DHX15: variants seen among roughly 807,000 people sequenced by gnomAD.
DHX15 encodes DEAH-box helicase 15, also known as ATP-dependent RNA helicase DHX15.
A neutral mutation model predicts 94.4 loss-of-function variants in DHX15; 11 were observed. The observed-to-expected ratio is 0.12, with a 90% CI of 0.07 to 0.19. The LOEUF is 0.19. Among genes scored for constraint, DHX15 ranks in the 10% least tolerant of loss-of-function variants. The pLI is 1.00. For synonymous variants in DHX15, 338 were observed against 329.9 expected, an observed-to-expected ratio of 1.02 and a Z score of -0.27; for missense variants, 304 against 988.5, an observed-to-expected ratio of 0.31 and a Z score of 9.29.
At chr4:24,549,666 A>G (rs977208063) in intron 5 of DHX15, among the ~76,000 whole-genome samples, 1 of 152,200 alleles carries the variant, frequency 6.6e-6, no homozygotes, top group Non-Finnish European at 1.5e-5. Flanking sequence ...TCACGAACCT[A>G]AACTGTATAG....
chr4:24,576,961 T>C (rs1471470336), intron 1 of DHX15, among the ~76,000 whole-genome samples: 2 of 152,154 alleles, frequency 1.3e-5, no homozygotes, highest in South Asian at 2.1e-4. Flanking sequence ...CCCTCCTACT[T>C]AGACAACAGA....
chr4:24,576,943 A>G (rs1016220491), intron 1 of DHX15, among the ~76,000 whole-genome samples: 1 of 152,232 alleles, frequency 6.6e-6, no homozygotes, highest in African/African-American at 2.4e-5. Context: ...GTCTGCTGCA[A>G]GTAAAACCCC....
intron 12 of DHX15, chr4:24,530,562 C>G (rs112410989): frequency 0.065 from 9,817 of 151,152 alleles, 398 homozygotes; most frequent in African/African-American, 0.12. Flanking sequence ...GGGCGACAGA[C>G]CGAGAGGCTC....
chr4:24,536,520 C>T (rs2109393695), intron 11 of DHX15, among the ~76,000 whole-genome samples: 2 of 152,278 alleles, frequency 1.3e-5, no homozygotes, highest in Non-Finnish European at 2.9e-5. Flanking sequence ...TAATGCCTTT[C>T]ATTATCAATA....
intron 3 of DHX15, among the ~76,000 whole-genome samples, chr4:24,560,651 G>A (rs1218681073): frequency 2.0e-5 from 3 of 152,132 alleles, no homozygotes; most frequent in Admixed American, 6.5e-5. Context: ...CAAAGCATAT[G>A]ATGAAACATC....
chr4:24,572,698 A>C (rs923721680), intron 2 of DHX15, among the ~76,000 whole-genome samples: 3 of 152,224 alleles, frequency 2.0e-5, no homozygotes, highest in Non-Finnish European at 4.4e-5. Flanking sequence ...TTTTCAAACA[A>C]AAAAACTTAG....
At chr4:24,557,234 C>T (rs1721758995) in intron 3 of DHX15, among the ~76,000 whole-genome samples, 1 of 152,170 alleles carries the variant, frequency 6.6e-6, no homozygotes, top group African/African-American at 2.4e-5. Context: ...ACACTGGTTA[C>T]TGATGTCACT....
At chr4:24,543,131 A>G in intron 6 of DHX15, 105 bp from the exon 7 acceptor site, 2 of 713,720 alleles carry the variant, frequency 2.8e-6, no homozygotes, top group Admixed American at 5.6e-5. Flanking sequence ...ATTTCAAGCC[A>G]GCAAATAAAC....
chr4:24,559,929 C>T (rs1199534109), intron 3 of DHX15, among the ~76,000 whole-genome samples: 2 of 152,108 alleles, frequency 1.3e-5, no homozygotes, highest in Non-Finnish European at 2.9e-5. Context: ...AAGCAGATTA[C>T]CTAAAGATGT....
At chr4:24,582,467 C>G (rs1722437601) in intron 1 of DHX15, among the ~76,000 whole-genome samples, 1 of 152,208 alleles carries the variant, frequency 6.6e-6, no homozygotes. Flanking sequence ...TGCACAAATA[C>G]AAATGAATTC....
chr4:24,565,840 C>CAA (rs1721980453), intron 3 of DHX15, among the ~76,000 whole-genome samples: 1 of 152,122 alleles, frequency 6.6e-6, no homozygotes, highest in African/African-American at 2.4e-5. Context: ...TGTACACAGA[C>CAA]AACTATACCT....
intron 12 of DHX15, among the ~76,000 whole-genome samples, chr4:24,531,128 G>A (rs1384522631): frequency 3.4e-5 from 5 of 148,952 alleles, no homozygotes; most frequent in South Asian, 2.1e-4. Flanking sequence ...TCGCTCTGTC[G>A]CCCAGGCTGG....
At chr4:24,555,570 G>A (rs773836010) in intron 4 of DHX15, among the ~76,000 whole-genome samples, 1 of 151,980 alleles carries the variant, frequency 6.6e-6, no homozygotes, top group African/African-American at 2.4e-5. Flanking sequence ...TTGTTTGTTT[G>A]TTTGTTTCTG....
At chr4:24,569,626 T>C (rs2109008303) in intron 3 of DHX15, among the ~76,000 whole-genome samples, 1 of 150,034 alleles carries the variant, frequency 6.7e-6, no homozygotes, top group South Asian at 2.1e-4. Context: ...GAGAGACTCT[T>C]GTTTCATTTA....
At chr4:24,555,743 C>CT (rs367649516) in intron 4 of DHX15, among the ~76,000 whole-genome samples, 294 of 152,280 alleles carry the variant, frequency 1.9e-3, no homozygotes, top group African/African-American at 6.9e-3. Context: ...GTTTTAGGCC[C>CT]TTAATCAATA....
Position 24,576,468 on chromosome 4 carries a change from T to A in DHX15, c.282A>T (p.Ser94=), listed in dbSNP as rs1062681. The A allele has an allele frequency of 6.2e-7, 1 of 1,614,154 alleles. No individual in the cohort carries two copies. The highest frequency in any genetic ancestry group is 8.5e-7 in the Non-Finnish European group (1 of 1,180,004). Residue 94 remains serine (S), a synonymous_variant, in exon 2 of 14, where the codon TCA becomes TCT. Coordinates refer to ENST00000336812, the MANE Select transcript of DHX15 (RefSeq NM_001358.3). ...HSTHSAHSTH[S]THSAHSTHAG... is the part of the protein sequence containing the mutation. ...CATGCGTTGAATGAGCAGAATGTGTTGAATGCGTTGAATGTGCTGAGTGGG... is the reference window on the plus strand; with the variant it reads ...CATGCGTTGAATGAGCAGAATGTGTAGAATGCGTTGAATGTGCTGAGTGGG...
At chr4:24,574,205 CAAAAAAAAA>C (rs61031930) in intron 2 of DHX15, among the ~76,000 whole-genome samples, 11 of 68,872 alleles carry the variant, frequency 1.6e-4, no homozygotes, top group South Asian at 1.5e-3. Flanking sequence ...GACTTTGTCT[CAAAAAAAAA>C]AAAAAAAAAA....
rs148862721 is a variant in DHX15 at position 24,556,314 on chromosome 4, T to C, written c.798A>G (p.Thr266=). Residue 266 remains threonine (T), a synonymous_variant, in exon 4 of 14, where the codon ACA becomes ACG. Coordinates refer to ENST00000336812, the MANE Select transcript of DHX15 (RefSeq NM_001358.3). The part of the protein sequence containing the change: ...VIILDEAHER[T]LATDILMGVL... ...CACCCATTAGAATATCTGTAGCCAG[T>C]GTCCTCTCATGAGCCTCATCAAGAA... The C allele has an allele frequency of 3.0e-3, 4,877 of 1,613,744 alleles. 7 individuals carry two copies. The highest frequency in any genetic ancestry group is 3.8e-3 in the Non-Finnish European group (4,525 of 1,179,716).
intron 3 of DHX15, among the ~76,000 whole-genome samples, chr4:24,567,045 G>A (rs541234557): frequency 6.6e-6 from 1 of 152,200 alleles, no homozygotes; most frequent in South Asian, 2.1e-4. Context: ...TTAGCTGACT[G>A]AATGACTAAT....
Sources: gnomAD v4.1 joint callset for allele counts (sites outside exome capture counted in the v4.1 genomes callset) on GRCh38, gnomAD v4.1.1 for gene constraint, MANE v1.5 for transcripts, NCBI Gene and HGNC (gene_info 2026-07-23, HGNC 2026-07-21) for gene names.